The following TSC22D3 variants were observed in gnomAD, a reference collection of about 807,000 sequenced individuals.
TSC22D3 encodes TSC22 domain family member 3, also known as TSC22 domain family protein 3.
A neutral mutation model predicts 11.1 loss-of-function variants in TSC22D3; 4 were observed. The observed-to-expected ratio is 0.36, with a 90% confidence interval of 0.18 to 0.83. The LOEUF is 0.83. Among genes scored for constraint, TSC22D3 ranks in the 40% least tolerant of loss-of-function variants. TSC22D3 has a pLI of 0.48. For synonymous variants in TSC22D3, 77 were observed against 70.3 expected, an observed-to-expected ratio of 1.10 and a Z score of -0.48; for missense variants, 118 against 159.4, an observed-to-expected ratio of 0.74 and a Z score of 1.40.
chrX:107,748,780 TAG>T (rs1928793035), intron 1 of TSC22D3, among the ~76,000 whole-genome samples: 1 of 111,901 alleles, frequency 8.9e-6, no homozygotes, highest in Admixed American at 9.5e-5. Context: ...TCAAATAAGA[TAG>T]AGTCTGTGAA....
intron 1 of TSC22D3, among the ~76,000 whole-genome samples, chrX:107,768,976 G>A (rs182828373): frequency 3.6e-5 from 4 of 112,490 alleles, no homozygotes; most frequent in Admixed American, 2.8e-4. Context: ...CTTTCTCTTC[G>A]TTGTAATCAC....
chrX:107,737,358 C>A (rs764926702), intron 1 of TSC22D3, among the ~76,000 whole-genome samples: 1 of 112,194 alleles, frequency 8.9e-6, no homozygotes, highest in Admixed American at 9.4e-5. Context: ...GGAAGCTCAA[C>A]CCTGTCCCAG....
intron 1 of TSC22D3, among the ~76,000 whole-genome samples, chrX:107,732,874 G>A (rs1301330733): frequency 9.0e-6 from 1 of 111,041 alleles, no homozygotes; most frequent in African/African-American, 3.3e-5. Flanking sequence ...AAGGGGGGAG[G>A]ATCGCTTGAG....
intron 1 of TSC22D3, among the ~76,000 whole-genome samples, chrX:107,741,434 A>G (rs1928396717): frequency 8.9e-6 from 1 of 112,781 alleles, no homozygotes; most frequent in Non-Finnish European, 1.9e-5. Context: ...CCACTCTGGG[A>G]AGCCCAAGGC....
chrX:107,717,737 C>T (rs1041323394), intron 1 of TSC22D3, among the ~76,000 whole-genome samples: 1 of 111,642 alleles, frequency 9.0e-6, no homozygotes, highest in African/African-American at 3.3e-5. Flanking sequence ...AGAGGGTGTC[C>T]GGGAGCTGAG....
intron 1 of TSC22D3, among the ~76,000 whole-genome samples, chrX:107,756,327 AT>A (rs1048746825): frequency 8.9e-6 from 1 of 112,485 alleles, no homozygotes; most frequent in African/African-American, 3.2e-5. Flanking sequence ...TAGAAATAAT[AT>A]TTTTTGAGAC....
At chrX:107,743,939 C>A (rs1387518892) in intron 1 of TSC22D3, among the ~76,000 whole-genome samples, 1 of 111,795 alleles carries the variant, frequency 8.9e-6, no homozygotes. Flanking sequence ...CACTTGAGGC[C>A]CAAGTGTGTA....
chrX:107,724,220 G>T (rs1250814749), intron 1 of TSC22D3, among the ~76,000 whole-genome samples: 1 of 112,622 alleles, frequency 8.9e-6, no homozygotes, highest in Non-Finnish European at 1.9e-5. Context: ...TAGCTGGGGT[G>T]GGGGCAGTGG....
chrX:107,738,761 G>T (rs1928259237), intron 1 of TSC22D3, among the ~76,000 whole-genome samples: 1 of 112,980 alleles, frequency 8.9e-6, no homozygotes, highest in African/African-American at 3.2e-5. Context: ...TTTTACCAGG[G>T]GCTCTAAGTG....
At chrX:107,768,978 T>A (rs1349327689) in intron 1 of TSC22D3, among the ~76,000 whole-genome samples, 1 of 112,632 alleles carries the variant, frequency 8.9e-6, no homozygotes, top group African/African-American at 3.2e-5. Context: ...TTCTCTTCGT[T>A]GTAATCACTA....
At chrX:107,716,006 C>T in intron 1 of TSC22D3, 56 bp from the exon 2 acceptor site, 9 of 1,160,979 alleles carry the variant, frequency 7.8e-6, no homozygotes, top group South Asian at 7.4e-5. Context: ...CTCTTGAGTA[C>T]ATGGCAGTTG....
chrX:107,720,960 G>A (rs1433259932), intron 1 of TSC22D3, among the ~76,000 whole-genome samples: 1 of 111,223 alleles, frequency 9.0e-6, no homozygotes, highest in African/African-American at 3.3e-5. Flanking sequence ...GCCCCAAACA[G>A]GAAACAGTGG....
At chrX:107,720,884 G>A (rs989942770) in intron 1 of TSC22D3, among the ~76,000 whole-genome samples, 3 of 110,875 alleles carry the variant, frequency 2.7e-5, no homozygotes, top group African/African-American at 9.9e-5. Flanking sequence ...GGAAGTTTGT[G>A]CTGTACCTAT....
chrX:107,746,213 G>C (rs992526165), intron 1 of TSC22D3, among the ~76,000 whole-genome samples: 16 of 111,396 alleles, frequency 1.4e-4, no homozygotes, highest in African/African-American at 5.2e-4. Flanking sequence ...ACCTCTCTCT[G>C]TATCTTATGA....
chrX:107,717,241 C>T, intron 1 of TSC22D3: 1 of 217,306 alleles, frequency 4.6e-6, no homozygotes, highest in Non-Finnish European at 6.8e-6. Flanking sequence ...ACTGGCATCT[C>T]CAAAGAAGGC....
rs991518881 is a variant in TSC22D3 at position 107,744,074 on chromosome X, A to G, written c.321-28124T>C. On this transcript the variant is annotated intron_variant, in intron 1 of 2. Transcript: ENST00000372383. Reference sequence around the variant, plus strand: ...CGTGGCCAGACTGTAGGTAGATGGTAAGGTTCACTAAGCTGACCCAGGTAT... The same window carrying G: ...CGTGGCCAGACTGTAGGTAGATGGTGAGGTTCACTAAGCTGACCCAGGTAT... 5.3e-5 allele frequency among the ~76,000 whole-genome samples: 6 copies of G among 112,351 alleles called. No homozygotes were observed. In the Admixed American group the frequency reaches 5.6e-4, roughly 11 times the overall value.
chrX:107,737,706 T>C (rs1167624104), intron 1 of TSC22D3, among the ~76,000 whole-genome samples: 1 of 112,208 alleles, frequency 8.9e-6, no homozygotes, highest in Non-Finnish European at 1.9e-5. Context: ...CTGGATTCAT[T>C]TGACAAAAAT....
chrX:107,751,099 G>A (rs1317715099), intron 1 of TSC22D3, among the ~76,000 whole-genome samples: 2 of 111,964 alleles, frequency 1.8e-5, no homozygotes, highest in African/African-American at 6.5e-5. Context: ...TGTTTGCTGT[G>A]CCAAGGCTGA....
At chrX:107,726,035 G>A (rs972486815) in intron 1 of TSC22D3, among the ~76,000 whole-genome samples, 7 of 110,918 alleles carry the variant, frequency 6.3e-5, no homozygotes, top group African/African-American at 2.3e-4. Context: ...AAACCTGCTG[G>A]GGCTGACTAT....
Sources: allele counts gnomAD v4.1 joint callset (sites outside exome capture counted in the v4.1 genomes callset), GRCh38; gene constraint gnomAD v4.1.1; transcripts MANE v1.5; gene names NCBI Gene and HGNC (gene_info 2026-07-23, HGNC 2026-07-21).